PPP1R16B: variants seen among roughly 807,000 people sequenced by gnomAD.
PPP1R16B encodes the protein protein phosphatase 1 regulatory subunit 16B, also known as protein phosphatase 1 regulatory inhibitor subunit 16B.
In PPP1R16B, 14 loss-of-function variants were observed where a neutral mutation model predicts 61.7. The observed-to-expected ratio is 0.23, with a 90% CI of 0.15 to 0.35. The LOEUF is 0.35. Ranked by LOEUF, PPP1R16B falls within the 10% of genes least tolerant of loss-of-function variation. The probability of loss-of-function intolerance (pLI) is 1.00; values close to 1 mark genes in which losing one functional copy is unlikely to be tolerated. For synonymous variants in PPP1R16B, 266 were observed against 305.3 expected, an observed-to-expected ratio of 0.87 and a Z score of 1.34; for missense variants, 547 against 752.5, an observed-to-expected ratio of 0.73 and a Z score of 3.19.
intron 6 of PPP1R16B, among the ~76,000 whole-genome samples, chr20:38,903,765 T>A (rs2085417714): frequency 6.6e-6 from 1 of 152,180 alleles, no homozygotes; most frequent in Non-Finnish European, 1.5e-5. Flanking sequence ...TCCTTGCAGC[T>A]CAAGTGTCAC....
chr20:38,918,489 G>C lies in PPP1R16B; in HGVS notation c.1527G>C (p.Thr509=), dbSNP rs775993932. Residue 509 remains threonine (T), a synonymous_variant, in exon 11 of 11, where the codon ACG becomes ACC. Transcript: ENST00000299824. The surrounding 1 kb of genome is among the most constrained non-coding windows in gnomAD (Gnocchi z 5.3). ...STHLGSSMAR[T]GESSSEGKAP... The stretch of plus-strand genomic sequence containing the variant: ...ACCTGGGCAGCAGCATGGCCAGGAC[G>C]GGCGAGAGTAGCAGTGAAGGCAAGG... 120 of 1,610,738 alleles carry C rather than the reference G, an allele frequency of 7.4e-5. No homozygotes were observed. Among genetic ancestry groups the C allele is most frequent in the Middle Eastern group, 4.9e-4 (3 of 6,062 alleles).
chr20:38,835,521 G>GT (rs1226786678), intron 1 of PPP1R16B, among the ~76,000 whole-genome samples: 1 of 152,246 alleles, frequency 6.6e-6, no homozygotes, highest in Non-Finnish European at 1.5e-5. Flanking sequence ...GCATTGTCCA[G>GT]TATGAAGCAT....
intron 2 of PPP1R16B, among the ~76,000 whole-genome samples, chr20:38,869,154 T>A (rs1444804170): frequency 3.0e-5 from 3 of 98,680 alleles, no homozygotes; most frequent in African/African-American, 1.1e-4. Flanking sequence ...TTAGCCATTT[T>A]ATTTTTTTTT....
intron 10 of PPP1R16B, among the ~76,000 whole-genome samples, chr20:38,914,822 A>T (rs568709677): frequency 6.6e-6 from 1 of 152,192 alleles, no homozygotes; most frequent in East Asian, 1.9e-4. Context: ...ACGCACCACC[A>T]TGCCCAGCTA....
intron 2 of PPP1R16B, among the ~76,000 whole-genome samples, chr20:38,886,571 AC>A (rs1290143289): frequency 6.6e-6 from 1 of 152,066 alleles, no homozygotes; most frequent in Non-Finnish European, 1.5e-5. Context: ...TGCTCAGGGC[AC>A]CCCCACTCAC....
intron 1 of PPP1R16B, among the ~76,000 whole-genome samples, chr20:38,830,322 T>C (rs1157560807): frequency 1.3e-5 from 2 of 152,218 alleles, no homozygotes; most frequent in East Asian, 3.8e-4. Flanking sequence ...ATAATGAGTT[T>C]ATATGAGTGC....
At position 38,864,596 on chromosome 20, in the gene PPP1R16B, G is replaced by A. The variant is rs115929919; in HGVS notation, c.251-24999G>A. On this transcript the variant is annotated intron_variant, in intron 2 of 10. Transcript: ENST00000299824. ...ACCTGGAATTTGAACTCAAGCAGTG[G>A]TGGTTTAGAACTGAACCGCCACCGT... is the stretch of plus-strand genomic sequence containing the variant. Among the ~76,000 whole-genome samples, 1,043 of 152,300 alleles carry A rather than the reference G, an allele frequency of 6.8e-3. 13 individuals are homozygous for A. The highest frequency in any genetic ancestry group is 0.024 in the African/African-American group (1,003 of 41,558).
At chr20:38,847,945 T>C (rs1252440338) in intron 2 of PPP1R16B, among the ~76,000 whole-genome samples, 1 of 152,066 alleles carries the variant, frequency 6.6e-6, no homozygotes, top group Admixed American at 6.5e-5. Flanking sequence ...AATCATTTTA[T>C]TTTTTTTATC....
chr20:38,855,945 G>T (rs6129118), intron 2 of PPP1R16B, among the ~76,000 whole-genome samples: 379 of 34,776 alleles, frequency 0.011, no homozygotes, highest in South Asian at 0.017. Context: ...TATATATATA[G>T]AGAGAGAGAG....
At chr20:38,825,382 A>G (rs1470244567) in intron 1 of PPP1R16B, among the ~76,000 whole-genome samples, 1 of 152,254 alleles carries the variant, frequency 6.6e-6, no homozygotes, top group Non-Finnish European at 1.5e-5. Flanking sequence ...TCTTCCTGGT[A>G]AAATGCAAGA....
chr20:38,890,243 C>T (rs2085282500), intron 3 of PPP1R16B, among the ~76,000 whole-genome samples: 1 of 152,236 alleles, frequency 6.6e-6, no homozygotes, highest in South Asian at 2.1e-4. Flanking sequence ...ATTCTCTGTC[C>T]ACGCAGCAGC....
intron 1 of PPP1R16B, among the ~76,000 whole-genome samples, chr20:38,813,504 T>C (rs531236353): frequency 6.6e-6 from 1 of 152,276 alleles, no homozygotes; most frequent in African/African-American, 2.4e-5. Context: ...GCAGGTTAAT[T>C]GCTCAGCAGG....
intron 3 of PPP1R16B, among the ~76,000 whole-genome samples, chr20:38,894,333 T>A (rs1601296213): frequency 1.3e-5 from 2 of 152,300 alleles, no homozygotes; most frequent in East Asian, 3.9e-4. Context: ...CTCCTGCTCC[T>A]TCTGTTGGCG....
chr20:38,888,556 G>T, intron 2 of PPP1R16B, among the ~76,000 whole-genome samples: 1 of 152,148 alleles, frequency 6.6e-6, no homozygotes, highest in Non-Finnish European at 1.5e-5. Flanking sequence ...AGGGGCTTGG[G>T]TGGACTCGTC....
intron 2 of PPP1R16B, among the ~76,000 whole-genome samples, chr20:38,865,703 A>G (rs1256168185): frequency 1.3e-5 from 2 of 152,038 alleles, no homozygotes; most frequent in African/African-American, 4.8e-5. Flanking sequence ...CACTTACTGA[A>G]TGTTCCCATG....
intron 1 of PPP1R16B, among the ~76,000 whole-genome samples, chr20:38,823,118 C>T (rs1046661474): frequency 1.3e-5 from 2 of 152,196 alleles, no homozygotes; most frequent in African/African-American, 2.4e-5. Context: ...AAGTAATGCT[C>T]TAAAGGCAGA....
At chr20:38,854,223 G>A (rs1180169462) in intron 2 of PPP1R16B, among the ~76,000 whole-genome samples, 1 of 152,190 alleles carries the variant, frequency 6.6e-6, no homozygotes, top group African/African-American at 2.4e-5. Context: ...CGGACTTTGG[G>A]TTGAGAATGC....
intron 2 of PPP1R16B, among the ~76,000 whole-genome samples, chr20:38,882,949 G>A (rs946028298): frequency 2.0e-5 from 3 of 152,232 alleles, no homozygotes; most frequent in African/African-American, 7.2e-5. Context: ...AGGCCAGTGT[G>A]GCTGAACCAG....
intron 2 of PPP1R16B, chr20:38,838,201 CTG>C (rs1304866473): frequency 2.6e-5 from 4 of 152,342 alleles, no homozygotes; most frequent in African/African-American, 9.6e-5. Flanking sequence ...GAGCCAAGGT[CTG>C]TGCACCTCCC....
Sources: gnomAD v4.1 joint callset for allele counts (sites outside exome capture counted in the v4.1 genomes callset) on GRCh38, gnomAD v4.1.1 for gene constraint, Gnocchi (gnomAD v3.1) non-coding constraint, MANE v1.5 for transcripts, NCBI Gene and HGNC (gene_info 2026-07-23, HGNC 2026-07-21) for gene names.